LRRC4C: variants seen among roughly 807,000 people sequenced by gnomAD.
The protein encoded by LRRC4C is leucine-rich repeat-containing protein 4C.
A neutral mutation model predicts 33.6 loss-of-function variants in LRRC4C; 5 were observed. The ratio of observed to expected loss-of-function variants is 0.15; its 90% CI spans 0.08 to 0.31. The LOEUF (loss-of-function observed/expected upper bound fraction) is 0.31. Among genes scored for constraint, LRRC4C ranks in the 10% least tolerant of loss-of-function variants. LRRC4C has a pLI of 1.00. For synonymous variants in LRRC4C, 329 were observed against 302.0 expected (o/e 1.09, Z -0.93); for missense variants, 560 against 796.7 (o/e 0.70, Z 3.58).
intron 3 of LRRC4C, among the ~76,000 whole-genome samples, chr11:40,404,126 A>G (rs1949869562): frequency 1.3e-5 from 2 of 152,098 alleles, no homozygotes; most frequent in Admixed American, 1.3e-4. Context: ...CTGCTCTTGA[A>G]TCTGCTGGCA....
chr11:40,156,051 G>A (rs11605084), intron 5 of LRRC4C, among the ~76,000 whole-genome samples: 4,283 of 152,058 alleles, frequency 0.028, 68 homozygotes, highest in South Asian at 0.051. Context: ...TTTAACATAC[G>A]CACGTCAATA....
intron 1 of LRRC4C, among the ~76,000 whole-genome samples, chr11:41,349,002 C>G (rs1161530490): frequency 1.3e-5 from 2 of 152,164 alleles, no homozygotes; most frequent in African/African-American, 2.4e-5. Flanking sequence ...TCATATTCTT[C>G]TAGTTGGCTT....
intron 1 of LRRC4C, among the ~76,000 whole-genome samples, chr11:41,276,684 G>C (rs182903292): frequency 1.6e-3 from 239 of 152,238 alleles, no homozygotes; most frequent in African/African-American, 5.6e-3. Flanking sequence ...AAGAGATTTT[G>C]CAGATATGAT....
At chr11:40,258,077 C>A (rs1161651206) in intron 4 of LRRC4C, among the ~76,000 whole-genome samples, 1 of 152,132 alleles carries the variant, frequency 6.6e-6, no homozygotes. Flanking sequence ...ATGTGCCTAT[C>A]TTTTAAAACA....
At chr11:40,173,914 T>C (rs1860255585) in intron 5 of LRRC4C, among the ~76,000 whole-genome samples, 1 of 152,134 alleles carries the variant, frequency 6.6e-6, no homozygotes, top group African/African-American at 2.4e-5. Context: ...AGCAACAAGG[T>C]ATTGTAGTTA....
At chr11:40,676,683 A>T (rs1944421263) in intron 2 of LRRC4C, among the ~76,000 whole-genome samples, 2 of 152,102 alleles carry the variant, frequency 1.3e-5, no homozygotes, top group Non-Finnish European at 1.5e-5. Flanking sequence ...GGCTATATTT[A>T]TCCAATTTTG....
intron 3 of LRRC4C, among the ~76,000 whole-genome samples, chr11:40,481,238 C>T (rs1023626268): frequency 2.9e-4 from 44 of 151,990 alleles, no homozygotes; most frequent in African/African-American, 1.0e-3. Context: ...GTAAACTCTT[C>T]TGTACACTAT....
intron 2 of LRRC4C, among the ~76,000 whole-genome samples, chr11:40,696,842 T>C (rs1945587837): frequency 6.7e-6 from 1 of 148,774 alleles, no homozygotes; most frequent in African/African-American, 2.5e-5. Context: ...GTCTAAGAAA[T>C]AGAACAAAAT....
chr11:41,346,384 T>C (rs951271755), intron 1 of LRRC4C, among the ~76,000 whole-genome samples: 10 of 152,276 alleles, frequency 6.6e-5, no homozygotes, highest in South Asian at 4.1e-4. Flanking sequence ...AAAAAAATTA[T>C]CTAACTATGA....
intron 2 of LRRC4C, among the ~76,000 whole-genome samples, chr11:40,696,676 T>C (rs910915995): frequency 6.8e-6 from 1 of 146,900 alleles, no homozygotes; most frequent in Non-Finnish European, 1.5e-5. Flanking sequence ...CAGCAGCCAA[T>C]AAAACACAGG....
intron 1 of LRRC4C, among the ~76,000 whole-genome samples, chr11:41,309,404 T>G (rs1282071806): frequency 1.3e-5 from 2 of 152,224 alleles, no homozygotes; most frequent in African/African-American, 2.4e-5. Flanking sequence ...TTTCTTTTTT[T>G]GAGCACACAG....
intron 3 of LRRC4C, among the ~76,000 whole-genome samples, chr11:40,583,210 A>G (rs1438403910): frequency 6.6e-6 from 1 of 152,102 alleles, no homozygotes; most frequent in Non-Finnish European, 1.5e-5. Flanking sequence ...GCTCTATAAC[A>G]TTCTTCTAAG....
At chr11:40,209,247 C>T (rs1356029105) in intron 5 of LRRC4C, among the ~76,000 whole-genome samples, 1 of 151,976 alleles carries the variant, frequency 6.6e-6, no homozygotes, top group Non-Finnish European at 1.5e-5. Flanking sequence ...TTTCTACTGT[C>T]CATCATAAAA....
intron 1 of LRRC4C, among the ~76,000 whole-genome samples, chr11:40,945,620 A>C (rs1958362938): frequency 6.6e-6 from 1 of 152,164 alleles, no homozygotes; most frequent in South Asian, 2.1e-4. Flanking sequence ...AGTCTTGTCA[A>C]GATAAATCTT....
chr11:41,281,363 G>C (rs766934249), intron 1 of LRRC4C, among the ~76,000 whole-genome samples: 3 of 152,082 alleles, frequency 2.0e-5, no homozygotes, highest in Non-Finnish European at 4.4e-5. Context: ...AATTTGTAAA[G>C]ATGCAGGCAA....
intron 3 of LRRC4C, among the ~76,000 whole-genome samples, chr11:40,417,554 CTCAAGTGATCTGCCCACCTCTGCCTGACT>C (rs1950373014): frequency 1.3e-5 from 2 of 151,748 alleles, no homozygotes; most frequent in South Asian, 4.2e-4. Context: ...GTTGGCCAGG[CTCAAGTGATCTGCCCACCTCTGCCTGACT>C]TCAAGTGATC....
intron 3 of LRRC4C, among the ~76,000 whole-genome samples, chr11:40,606,716 C>T (rs1367927144): frequency 6.6e-6 from 1 of 151,822 alleles, no homozygotes; most frequent in East Asian, 1.9e-4. Context: ...GTGAGGAATA[C>T]AATCACTGAA....
In LRRC4C at chr11:40,267,500, C is replaced by T. The variant is rs188880331; in HGVS notation, c.-175-25902G>A. Among the ~76,000 whole-genome samples, 990 of 152,190 alleles carry T rather than the reference C, an allele frequency of 6.5e-3. 21 individuals carry two copies. In the South Asian group the frequency reaches 0.087, roughly 13 times the overall value. ...CTGAGTAGCTGGGACTACAGGCGCCCGCCACCACACCCGGCTAATTTTTTG... is the reference window on the plus strand; with the variant it reads ...CTGAGTAGCTGGGACTACAGGCGCCTGCCACCACACCCGGCTAATTTTTTG... On this transcript the variant is annotated intron_variant, in intron 4 of 6. Transcript: ENST00000528697.
At chr11:40,390,420 T>C (rs1278461209) in intron 3 of LRRC4C, among the ~76,000 whole-genome samples, 3 of 152,242 alleles carry the variant, frequency 2.0e-5, no homozygotes, top group African/African-American at 7.2e-5. Context: ...TCTCTCAGGC[T>C]AGGATCCCTG....
Sources: gnomAD v4.1 joint callset for allele counts (sites outside exome capture counted in the v4.1 genomes callset) on GRCh38, gnomAD v4.1.1 for gene constraint, MANE v1.5 for transcripts, NCBI Gene and HGNC (gene_info 2026-07-23, HGNC 2026-07-21) for gene names.